Variants in FAM120A observed in about 807,000 individuals in gnomAD.
FAM120A encodes constitutive coactivator of PPAR-gamma-like protein 1.
In FAM120A, 15 loss-of-function variants were observed where a neutral mutation model predicts 109.7. The ratio of observed to expected loss-of-function variants is 0.14; its 90% CI spans 0.09 to 0.21. FAM120A has a LOEUF of 0.21. Among genes scored for constraint, FAM120A ranks in the 10% least tolerant of loss-of-function variants. FAM120A has a pLI of 1.00. For synonymous variants in FAM120A, 493 were observed against 572.8 expected (o/e 0.86, Z 1.99); for missense variants, 899 against 1,439.3 (o/e 0.62, Z 6.07).
At chr9:93,543,996 G>C (rs538278778) in intron 11 of FAM120A, among the ~76,000 whole-genome samples, 1 of 152,280 alleles carries the variant, frequency 6.6e-6, no homozygotes, top group African/African-American at 2.4e-5. Context: ...AAAAGGTACA[G>C]TCAAAATATG....
intron 7 of FAM120A, among the ~76,000 whole-genome samples, chr9:93,516,548 T>G (rs950454415): frequency 6.6e-6 from 1 of 152,046 alleles, no homozygotes; most frequent in Admixed American, 6.6e-5. Context: ...AAGAACTGGT[T>G]TGTGTGATGA....
At chr9:93,540,704 G>C (rs1208099077) in intron 10 of FAM120A, among the ~76,000 whole-genome samples, 1 of 152,150 alleles carries the variant, frequency 6.6e-6, no homozygotes. Flanking sequence ...GTCGGAGCCT[G>C]CAGCTGGAGT....
At chr9:93,552,272 ACAAT>A (rs1237008581) in intron 12 of FAM120A, among the ~76,000 whole-genome samples, 17 of 152,304 alleles carry the variant, frequency 1.1e-4, no homozygotes, top group African/African-American at 4.1e-4. Flanking sequence ...CTTTTGAAAA[ACAAT>A]CACACTCTAA....
chr9:93,546,373 C>T (rs893994874), intron 11 of FAM120A, among the ~76,000 whole-genome samples: 20 of 152,294 alleles, frequency 1.3e-4, no homozygotes, highest in East Asian at 1.9e-4. Context: ...TCTGGGGCCC[C>T]GCGGCCATGG....
At chr9:93,531,337 C>A (rs1382517834) in intron 9 of FAM120A, 1 of 152,178 alleles carries the variant, frequency 6.6e-6, no homozygotes, top group African/African-American at 2.4e-5. Flanking sequence ...TATCAATGAA[C>A]TTCATAGACA....
intron 12 of FAM120A, among the ~76,000 whole-genome samples, chr9:93,554,676 G>GA (rs995998762): frequency 1.4e-3 from 201 of 148,238 alleles, no homozygotes; most frequent in Non-Finnish European, 2.3e-3. Context: ...CTGTTTCAAA[G>GA]AAAAAAAAAA....
At chr9:93,535,735 A>G (rs1435422168) in intron 10 of FAM120A, among the ~76,000 whole-genome samples, 1 of 152,194 alleles carries the variant, frequency 6.6e-6, no homozygotes, top group Non-Finnish European at 1.5e-5. Context: ...TATATCCATG[A>G]TTATCACTGT....
chr9:93,525,933 G>A (rs116170496), intron 7 of FAM120A, among the ~76,000 whole-genome samples: 1 of 152,352 alleles, frequency 6.6e-6, no homozygotes, highest in African/African-American at 2.4e-5. Flanking sequence ...TTGTGTGACA[G>A]CAGAATCTTT....
rs1307211652 is a variant in FAM120A at position 93,504,692 on chromosome 9, G to C, written c.1030+5806G>C. The stretch of plus-strand genomic sequence containing the variant: ...TTAATATATATTTGTCCATTCTACT[G>C]TTGATGGAAAATGGACTGTTTCCAG... On this transcript the variant is annotated intron_variant, in intron 5 of 17. Transcript: ENST00000277165. 2.6e-5 allele frequency among the ~76,000 whole-genome samples: 4 copies of C among 152,100 alleles called. No individual in the cohort carries two copies. In the South Asian group the frequency reaches 6.2e-4, roughly 24 times the overall value.
Position 93,516,076 on chromosome 9 carries a change from G to A in FAM120A, c.1225G>A (p.Gly409Arg), listed in dbSNP as rs1860564372. The A allele has an allele frequency of 1.9e-6, 3 of 1,611,150 alleles. No homozygotes were observed. The highest frequency in any genetic ancestry group is 2.2e-5 in the East Asian group (1 of 44,696). Residue 409 changes from glycine to arginine, a missense_variant, in exon 7 of 18, where the codon GGG becomes AGG. Physicochemically the swap from Gly to Arg is moderately radical, Grantham distance 125. Coordinates refer to ENST00000277165, the MANE Select transcript of FAM120A (RefSeq NM_014612.5). ...EPAPLTLDTS[G>R]KNLTEQNSYS... The stretch of plus-strand genomic sequence containing the variant: ...AGCACCTCTCACTTTGGACACGAGC[G>A]GGAAGAATCTGACGGAGCAGAACAG...
chr9:93,520,148 C>T (rs1860785296), intron 7 of FAM120A, among the ~76,000 whole-genome samples: 1 of 152,162 alleles, frequency 6.6e-6, no homozygotes, highest in South Asian at 2.1e-4. Flanking sequence ...GGATTACAGG[C>T]ATGAGCCACT....
At chr9:93,482,379 C>T (rs757477387) in intron 3 of FAM120A, among the ~76,000 whole-genome samples, 2 of 151,918 alleles carry the variant, frequency 1.3e-5, no homozygotes, top group Non-Finnish European at 2.9e-5. Context: ...TTAGTAGAGA[C>T]GGGATTTCAC....
At chr9:93,482,987 T>C (rs1301003614) in intron 3 of FAM120A, among the ~76,000 whole-genome samples, 1 of 152,230 alleles carries the variant, frequency 6.6e-6, no homozygotes, top group Non-Finnish European at 1.5e-5. Context: ...GAGGCTTCAT[T>C]GTGTGTGGCA....
chr9:93,466,669 C>G (rs1030592873), intron 1 of FAM120A, among the ~76,000 whole-genome samples: 10 of 151,950 alleles, frequency 6.6e-5, no homozygotes, highest in Non-Finnish European at 1.2e-4. Flanking sequence ...CTTGGGGGTC[C>G]GTGTAAGGAG....
At chr9:93,502,501 T>G (rs1218892861) in intron 5 of FAM120A, among the ~76,000 whole-genome samples, 2 of 151,938 alleles carry the variant, frequency 1.3e-5, no homozygotes, top group Non-Finnish European at 2.9e-5. Context: ...ATCTGCAATA[T>G]TGAGAAAAAT....
chr9:93,531,266 A>G (rs1339591587), intron 9 of FAM120A: 1 of 152,250 alleles, frequency 6.6e-6, no homozygotes, highest in Non-Finnish European at 1.5e-5. Context: ...CAGTTTTTAA[A>G]TTAAACTTAT....
intron 3 of FAM120A, among the ~76,000 whole-genome samples, chr9:93,477,209 T>C (rs1858586709): frequency 6.6e-6 from 1 of 152,208 alleles, no homozygotes. Flanking sequence ...ACAATTTTAA[T>C]TGGTGGCTAG....
intron 5 of FAM120A, among the ~76,000 whole-genome samples, chr9:93,508,455 A>T (rs1233867378): frequency 1.3e-5 from 2 of 152,180 alleles, no homozygotes; most frequent in Non-Finnish European, 2.9e-5. Flanking sequence ...ACTGTGTCTG[A>T]GGGATCACCT....
In FAM120A at chr9:93,532,296, C is replaced by T; in HGVS notation, c.1876C>T (p.Leu626Phe). The T allele has an allele frequency of 6.2e-7, 1 of 1,614,192 alleles. No individual in the cohort carries two copies. The highest frequency in any genetic ancestry group is 8.5e-7 in the Non-Finnish European group (1 of 1,180,028). Reference protein sequence around the residue: ...LAESRKKTERLAFRKNRLPPE... With the variant: ...LAESRKKTERFAFRKNRLPPE... ...AGAAAGCAGAAAGAAAACTGAGAGACTTGCTTTTAGAAAGAACAGACTTCC... is the reference window on the plus strand; with the variant it reads ...AGAAAGCAGAAAGAAAACTGAGAGATTTGCTTTTAGAAAGAACAGACTTCC... Residue 626 changes from leucine (L) to phenylalanine (F), a missense_variant, in exon 10 of 18, where the codon CTT becomes TTT. By Grantham distance (22) the Leu-to-Phe change is conservative. Around this residue, in one of 11 missense-constraint regions of FAM120A, gnomAD observed 133 missense variants for 276.6 expected, o/e 0.48. Transcript: ENST00000277165. The surrounding 1 kb of genome is among the most constrained non-coding windows in gnomAD (Gnocchi z 4.3).
Sources: allele counts gnomAD v4.1 joint callset (sites outside exome capture counted in the v4.1 genomes callset), GRCh38; gene constraint gnomAD v4.1.1; regional missense constraint gnomAD v4.1.1; non-coding constraint Gnocchi (gnomAD v3.1); transcripts MANE v1.5; gene names NCBI Gene and HGNC (gene_info 2026-07-23, HGNC 2026-07-21).